Variants in ITFG2 observed in about 807,000 individuals in gnomAD.
ITFG2 encodes integrin alpha FG-GAP repeat containing 2, also known as KICSTOR complex protein ITFG2.
A neutral mutation model predicts 54.4 loss-of-function variants in ITFG2; 36 were observed. That is an observed-to-expected ratio of 0.66 (90% CI 0.51 to 0.87). ITFG2 has a LOEUF of 0.87. ITFG2 is among the 40% of genes least tolerant of loss of function. ITFG2 has a pLI of 0.00. For missense variants in ITFG2, 524 were observed against 576.7 expected (o/e 0.91, Z 0.94); for synonymous variants, 211 against 225.4 (o/e 0.94, Z 0.57).
At chr12:2,842,549 A>G (rs2098044048) in intron 2 of ITFG2, among the ~76,000 whole-genome samples, 2 of 152,140 alleles carry the variant, frequency 1.3e-5, no homozygotes, top group Non-Finnish European at 2.9e-5. Context: ...CAGTGTGGGC[A>G]ACATAGTGAG....
intron 1 of ITFG2, among the ~76,000 whole-genome samples, chr12:2,839,342 T>C (rs933734087): frequency 6.6e-6 from 1 of 152,126 alleles, no homozygotes; most frequent in Non-Finnish European, 1.5e-5. Flanking sequence ...TGGTCTCTAA[T>C]AATGAGACAG....
chr12:2,829,122 G>A (rs2097986420), downstream of ITFG2, among the ~76,000 whole-genome samples: 1 of 152,182 alleles, frequency 6.6e-6, no homozygotes, highest in Non-Finnish European at 1.5e-5. Context: ...GAGAAACGGT[G>A]ATTTGTTTGT....
At chr12:2,857,011 G>GCAA (rs2098089524) in intron 2 of ITFG2, 2 of 702,964 alleles carry the variant, frequency 2.8e-6, no homozygotes, top group Non-Finnish European at 5.2e-6. Context: ...AGTGATCTTT[G>GCAA]CCGGTTACTG....
chr12:2,850,600 G>A (rs1267754141), intron 2 of ITFG2, among the ~76,000 whole-genome samples: 3 of 152,104 alleles, frequency 2.0e-5, no homozygotes, highest in Non-Finnish European at 4.4e-5. Context: ...AGTCCTCTGG[G>A]TCCCTACAGC....
At chr12:2,833,822 T>C (rs1005178444), upstream of ITFG2, among the ~76,000 whole-genome samples, 1 of 152,212 alleles carries the variant, frequency 6.6e-6, no homozygotes, top group Non-Finnish European at 1.5e-5. Flanking sequence ...CCAACAATCC[T>C]ATGATTGATT....
At chr12:2,823,704 G>A in intron 10 of ITFG2, 66 bp from the exon 11 acceptor site, 3 of 1,493,034 alleles carry the variant, frequency 2.0e-6, no homozygotes, top group Non-Finnish European at 2.7e-6. Flanking sequence ...TCTGTGTCTT[G>A]CTGTCTGCCC....
At chr12:2,849,286 G>T in intron 2 of ITFG2, 2 of 1,536,144 alleles carry the variant, frequency 1.3e-6, no homozygotes, top group African/African-American at 2.7e-5. Flanking sequence ...GCTTGCTTGT[G>T]CCTTGGAGAG....
chr12:2,823,873 G>C lies in ITFG2; in HGVS notation c.1170G>C (p.Glu390Asp). ...VYWEVQLERM[E>D]STNLVKLLET... The stretch of plus-strand genomic sequence containing the variant: ...GGGAGGTGCAGCTGGAGCGGATGGA[G>C]TCTACCAATCTGGTGAAACTGCTGG... The change falls in exon 11 of 12, where the codon GAG (glutamate) becomes GAC (aspartate). Residue 390 changes from glutamate (E) to aspartate (D), a missense_variant. Coordinates refer to ENST00000228799, the MANE Select transcript of ITFG2 (RefSeq NM_018463.4). The C allele has an allele frequency of 7.4e-6, 12 of 1,613,676 alleles. No individual in the cohort carries two copies. Among genetic ancestry groups the C allele is most frequent in the South Asian group, 1.1e-5 (1 of 91,030 alleles).
At chr12:2,856,566 T>C (rs1264447195) in intron 2 of ITFG2, among the ~76,000 whole-genome samples, 1 of 152,214 alleles carries the variant, frequency 6.6e-6, no homozygotes, top group Non-Finnish European at 1.5e-5. Flanking sequence ...TTTCATCATG[T>C]TGGCCAAGCT....
rs1443118354 is a variant in ITFG2, at chr12:2,820,814, A to G, written c.637A>G (p.Thr213Ala). 11 of 1,613,882 alleles carry G rather than the reference A, an allele frequency of 6.8e-6. No homozygotes were observed. Among genetic ancestry groups the G allele is most frequent in the Non-Finnish European group, 9.3e-6 (11 of 1,179,970 alleles). ...TTGTGCGTATGCAATTCTACTGTGT[A>G]CCTGGAAAAAGGACACTGGGTCCCC... is the stretch of plus-strand genomic sequence containing the variant. ...PGCAYAILLC[T>A]WKKDTGSPPA... Residue 213 changes from threonine to alanine, a missense_variant, in exon 6 of 12, where the codon ACC becomes GCC. By Grantham distance (58) the Thr-to-Ala change is moderately conservative (BLOSUM62 0). Coordinates refer to ENST00000228799, the MANE Select transcript of ITFG2 (RefSeq NM_018463.4).
At position 2,850,978 on chromosome 12, in the gene ITFG2, CTTTTTTTTTT is replaced by C. The variant is rs35125854; in HGVS notation, n.301-7019_301-7010del. ...TGAGCCAACACACCAGGCCCAGAGT[CTTTTTTTTTT>C]TTTTTTTTTTTTTTGAGACAGAGTC... is the stretch of plus-strand genomic sequence containing the variant. On this transcript the variant is annotated intron_variant and non_coding_transcript_variant, in intron 2 of 3. Transcript: ENST00000537710. 6.4e-4 allele frequency among the ~76,000 whole-genome samples: 52 copies of C among 81,670 alleles called. 1 individual carries two copies. The highest frequency in any genetic ancestry group is 2.8e-3 in the African/African-American group (51 of 18,250). The allele number at this position is 81,670 out of a possible 152,430, so 53.6% of individuals were successfully genotyped here.
chr12:2,854,030 A>G (rs2098079537), intron 2 of ITFG2, among the ~76,000 whole-genome samples: 1 of 152,040 alleles, frequency 6.6e-6, no homozygotes, highest in Non-Finnish European at 1.5e-5. Flanking sequence ...TATTTAATTA[A>G]TTTATTTATT....
At position 2,824,243 on chromosome 12, in the gene ITFG2, C is replaced by T. The variant is rs377288590; in HGVS notation, c.*50C>T. 4 of 1,546,846 alleles carry T rather than the reference C, an allele frequency of 2.6e-6. No individual in the cohort carries two copies. The Admixed American group carries it at 5.0e-5, about 19-fold the overall frequency. ...AGGATTCTTCTGAACCCCCACCCTA[C>T]CCCCTAAAGGTATCTGTGGTATTGG... On this transcript the variant is annotated 3_prime_UTR_variant, in exon 12 of 12. Transcript: ENST00000228799.
At chr12:2,813,022 T>C in intron 1 of ITFG2, 166 bp downstream of exon 1, 1 of 558,226 alleles carries the variant, frequency 1.8e-6, no homozygotes, top group Non-Finnish European at 3.2e-6. Context: ...TGTTCGTGGT[T>C]GGTTTTGTTC....
intron 1 of ITFG2, among the ~76,000 whole-genome samples, chr12:2,840,302 A>C (rs1158689562): frequency 4.0e-5 from 6 of 151,580 alleles, no homozygotes; most frequent in Non-Finnish European, 5.9e-5. Flanking sequence ...TACAAAAAAA[A>C]ATTAGCTGGG....
intron 2 of ITFG2, chr12:2,857,653 T>A (rs778230297): frequency 1.3e-5 from 2 of 153,806 alleles, no homozygotes; most frequent in Admixed American, 6.4e-5. Context: ...GCCTTAGGAA[T>A]CAGACGCCAA....
intron 2 of ITFG2, among the ~76,000 whole-genome samples, chr12:2,852,403 G>A (rs1036330003): frequency 4.0e-5 from 6 of 151,822 alleles, no homozygotes; most frequent in African/African-American, 9.7e-5. Context: ...GTCTCACCAC[G>A]TTGCCCAGCC....
chr12:2,813,264 G>A (rs1330855016), intron 1 of ITFG2, among the ~76,000 whole-genome samples: 1 of 152,228 alleles, frequency 6.6e-6, no homozygotes, highest in African/African-American at 2.4e-5. Flanking sequence ...TGGGACTACA[G>A]GCCTGAGCCA....
intron 2 of ITFG2, among the ~76,000 whole-genome samples, chr12:2,854,626 G>A (rs1410230436): frequency 6.6e-6 from 1 of 152,178 alleles, no homozygotes; most frequent in East Asian, 1.9e-4. Flanking sequence ...TTGAGGGCAG[G>A]CACTGAGTCA....
Sources: allele counts gnomAD v4.1 joint callset (sites outside exome capture counted in the v4.1 genomes callset), GRCh38; gene constraint gnomAD v4.1.1; transcripts MANE v1.5; gene names NCBI Gene and HGNC (gene_info 2026-07-23, HGNC 2026-07-21).